SOAT1: variants seen among roughly 807,000 people sequenced by gnomAD.
SOAT1 encodes the protein acyl-coenzyme A:cholesterol acyltransferase 1.
A neutral mutation model predicts 69.5 loss-of-function variants in SOAT1; 55 were observed. That is an observed-to-expected ratio of 0.79 (90% CI 0.64 to 0.99). SOAT1 has a LOEUF of 0.99. Ranked by LOEUF, SOAT1 falls within the 50% of genes least tolerant of loss-of-function variation. SOAT1 has a pLI of 0.00. For synonymous variants in SOAT1, 231 were observed against 224.7 expected, an observed-to-expected ratio of 1.03 and a Z score of -0.25; for missense variants, 580 against 669.3, an observed-to-expected ratio of 0.87 and a Z score of 1.47.
At position 179,354,900 on chromosome 1, in the gene SOAT1, TTATGAA is replaced by T. The variant is rs1357555442; in HGVS notation, c.*1261_*1266del. Reference sequence around the variant, plus strand: ...TTCAACTTTCCACTCAAAGTAAGATTTATGAATTATTTAAATGATAGTTGTTACTTG... The same window carrying T: ...TTCAACTTTCCACTCAAAGTAAGATTTTATTTAAATGATAGTTGTTACTTG... On this transcript the variant is annotated 3_prime_UTR_variant, in exon 16 of 16. Coordinates refer to ENST00000367619, the MANE Select transcript of SOAT1 (RefSeq NM_003101.6). The T allele has an allele frequency of 6.6e-6, 1 of 152,156 alleles. No individual in the cohort carries two copies. Among genetic ancestry groups the T allele is most frequent in the Non-Finnish European group, 1.5e-5 (1 of 68,028 alleles). 9.4% of individuals were successfully genotyped at this position (152,156 alleles called of 1,614,324 possible).
At chr1:179,309,723 T>A (rs1262054280) in intron 2 of SOAT1, among the ~76,000 whole-genome samples, 1 of 152,122 alleles carries the variant, frequency 6.6e-6, no homozygotes, top group Non-Finnish European at 1.5e-5. Context: ...AAGAGCTTTT[T>A]CTATATTAAA....
At position 179,295,816 on chromosome 1, in the gene SOAT1, T is replaced by G. The variant is rs959769862; in HGVS notation, c.-9+1880T>G. Among the ~76,000 whole-genome samples the G allele has an allele frequency of 2.3e-4, 35 of 150,908 alleles. 1 individual carries two copies. Among genetic ancestry groups the G allele is most frequent in the African/African-American group, 8.3e-4 (34 of 40,966 alleles). ...AGTACGCCCGGCTAATTTTTTTTTT[T>G]TTTTTTGAGATGGAGTTTGGCGCTT... On this transcript the variant is annotated intron_variant, in intron 1 of 15. Coordinates refer to ENST00000367619, the MANE Select transcript of SOAT1 (RefSeq NM_003101.6).
chr1:179,319,881 G>T (rs1485317558), intron 2 of SOAT1, among the ~76,000 whole-genome samples: 1 of 152,086 alleles, frequency 6.6e-6, no homozygotes, highest in Non-Finnish European at 1.5e-5. Flanking sequence ...CTCCCAAAGT[G>T]CTATGGTTAC....
intron 2 of SOAT1, among the ~76,000 whole-genome samples, chr1:179,306,570 C>T (rs531802235): frequency 3.3e-5 from 5 of 152,022 alleles, no homozygotes; most frequent in South Asian, 2.1e-4. Context: ...TGGTGGCTCA[C>T]GCCTGTAATC....
intron 2 of SOAT1, among the ~76,000 whole-genome samples, chr1:179,315,372 G>A (rs955883612): frequency 6.6e-6 from 1 of 151,988 alleles, no homozygotes; most frequent in Non-Finnish European, 1.5e-5. Context: ...GCTGAGGCGG[G>A]AGGATCCCTT....
intron 3 of SOAT1, among the ~76,000 whole-genome samples, chr1:179,325,096 C>T (rs10913722): frequency 0.26 from 38,963 of 150,020 alleles, 5,243 homozygotes; most frequent in East Asian, 0.46. Flanking sequence ...TTACCACACC[C>T]GGCTGGCACG....
intron 3 of SOAT1, among the ~76,000 whole-genome samples, chr1:179,331,776 T>A (rs1450784614): frequency 6.6e-6 from 1 of 151,972 alleles, no homozygotes; most frequent in Non-Finnish European, 1.5e-5. Context: ...TTCTGAGGAG[T>A]CAATTTAGTG....
intron 2 of SOAT1, among the ~76,000 whole-genome samples, chr1:179,317,642 T>A (rs1381650694): frequency 1.8e-5 from 1 of 56,608 alleles, no homozygotes; most frequent in African/African-American, 4.0e-5. Flanking sequence ...TCATCATAGG[T>A]TTTTTTTTTT....
chr1:179,315,382 T>C (rs1471395747), intron 2 of SOAT1, among the ~76,000 whole-genome samples: 1 of 152,042 alleles, frequency 6.6e-6, no homozygotes, highest in Non-Finnish European at 1.5e-5. Flanking sequence ...GAGGATCCCT[T>C]GAGCCTAGGA....
At chr1:179,297,406 G>A (rs111927868) in intron 1 of SOAT1, among the ~76,000 whole-genome samples, 6,721 of 152,034 alleles carry the variant, frequency 0.044, 218 homozygotes, top group Middle Eastern at 0.092. Context: ...GCGCGATCTC[G>A]GCTCACTGCA....
rs967841755 is a variant in SOAT1 at position 179,355,419 on chromosome 1, T to C, written c.*1778T>C. 1 of 152,220 alleles carries C rather than the reference T, an allele frequency of 6.6e-6. No homozygotes were observed. Among genetic ancestry groups the C allele is most frequent in the African/African-American group, 2.4e-5 (1 of 41,454 alleles). 9.4% of individuals were successfully genotyped at this position (152,220 alleles called of 1,614,324 possible). On this transcript the variant is annotated 3_prime_UTR_variant, in exon 16 of 16. Coordinates refer to ENST00000367619, the MANE Select transcript of SOAT1 (RefSeq NM_003101.6). ...AGAATGGAATTCTTAGGTTTATATTTCTGTTAAGAAATACTATAAATATGA... is the reference window on the plus strand; with the variant it reads ...AGAATGGAATTCTTAGGTTTATATTCCTGTTAAGAAATACTATAAATATGA...
At position 179,350,449 on chromosome 1, in the gene SOAT1, C is replaced by CT; in HGVS notation, c.1450+19dup. ...CTTTGGAAGTAAGTATCTTGGTATG[C>CT]TGTGAGTACTGGGTACTATGCTAAA... On this transcript the variant is annotated intron_variant, in intron 14 of 15. Transcript: ENST00000367619. The CT allele has an allele frequency of 6.2e-7, 1 of 1,610,414 alleles. No homozygotes were observed. The highest frequency in any genetic ancestry group is 8.5e-7 in the Non-Finnish European group (1 of 1,178,578).
intron 3 of SOAT1, among the ~76,000 whole-genome samples, chr1:179,333,054 G>T (rs947894067): frequency 3.9e-5 from 6 of 152,192 alleles, no homozygotes; most frequent in African/African-American, 1.4e-4. Flanking sequence ...GCCATGTAAA[G>T]GAATGTGGTA....
intron 2 of SOAT1, among the ~76,000 whole-genome samples, chr1:179,303,168 C>T (rs1183884125): frequency 6.6e-6 from 1 of 152,126 alleles, no homozygotes; most frequent in African/African-American, 2.4e-5. Flanking sequence ...CTAGATTTAT[C>T]ACAGTGTAAT....
chr1:179,351,287 T>C lies in SOAT1; in HGVS notation c.1451-30T>C, dbSNP rs752910884. ...TCGAACTTCTGACCTCTGATAACTGTATATTTCTTTGTTGCCTTCCTATTT... is the reference window on the plus strand; with the variant it reads ...TCGAACTTCTGACCTCTGATAACTGCATATTTCTTTGTTGCCTTCCTATTT... On this transcript the variant is annotated intron_variant, in intron 14 of 15. Transcript: ENST00000367619. 5.0e-6 allele frequency: 8 copies of C among 1,607,488 alleles called. 1 individual carries two copies. The South Asian group carries it at 5.5e-5, about 11-fold the overall frequency.
chr1:179,336,281 G>A (rs180925732), intron 4 of SOAT1, among the ~76,000 whole-genome samples: 81 of 151,788 alleles, frequency 5.3e-4, no homozygotes, highest in African/African-American at 1.9e-3. Context: ...TGGCCAACAG[G>A]GTGAAACCCC....
intron 2 of SOAT1, among the ~76,000 whole-genome samples, chr1:179,319,445 T>A (rs2124959427): frequency 6.6e-6 from 1 of 152,054 alleles, no homozygotes; most frequent in Non-Finnish European, 1.5e-5. Flanking sequence ...TAATTTTGTA[T>A]TTTTAGTAGA....
In SOAT1 at chr1:179,335,658, G is replaced by GT; in HGVS notation, c.329+2dup. Reference sequence around the variant, plus strand: ...GAGAGAAAAACAACCATAGAGCGAAGTAAGTATGTGCTATTTTCTTTTAAT... The same window carrying GT: ...GAGAGAAAAACAACCATAGAGCGAAGTTAAGTATGTGCTATTTTCTTTTAAT... On this transcript the variant is annotated splice_donor_variant, in intron 4 of 15. Transcript: ENST00000367619. LOFTEE classifies it high-confidence loss of function. 1 of 1,608,544 alleles carries GT rather than the reference G, an allele frequency of 6.2e-7. No individual in the cohort carries two copies. The highest frequency in any genetic ancestry group is 8.5e-7 in the Non-Finnish European group (1 of 1,177,344).
intron 1 of SOAT1, among the ~76,000 whole-genome samples, chr1:179,297,622 G>A (rs1471682697): frequency 6.6e-6 from 1 of 150,776 alleles, no homozygotes; most frequent in African/African-American, 2.4e-5. Context: ...GGCGTGAGCC[G>A]GTGCGCTTGT....
Sources: allele counts gnomAD v4.1 joint callset (sites outside exome capture counted in the v4.1 genomes callset), GRCh38; gene constraint gnomAD v4.1.1; transcripts MANE v1.5; gene names NCBI Gene and HGNC (gene_info 2026-07-23, HGNC 2026-07-21).